Variants in SEC31A observed in about 807,000 individuals in gnomAD.
SEC31A encodes the protein protein transport protein Sec31A.
In SEC31A, 70 loss-of-function variants were observed where a neutral mutation model predicts 151.0. That is an observed-to-expected ratio of 0.46 (90% CI 0.38 to 0.57). SEC31A has a LOEUF of 0.57. Among genes scored for constraint, SEC31A ranks in the 20% least tolerant of loss-of-function variants. SEC31A has a pLI of 0.00. For synonymous variants in SEC31A, 475 were observed against 505.9 expected (o/e 0.94, Z 0.82); for missense variants, 1,330 against 1,471.2 (o/e 0.90, Z 1.57).
At chr4:82,861,477 T>C (rs982537430) in intron 14 of SEC31A, among the ~76,000 whole-genome samples, 154 bp downstream of exon 14, 25 of 152,216 alleles carry the variant, frequency 1.6e-4, no homozygotes, top group Non-Finnish European at 5.9e-5. Flanking sequence ...TCTGTCAGTA[T>C]AGGTAGATAG....
At chr4:82,881,194 G>T (rs998217896) in intron 2 of SEC31A, among the ~76,000 whole-genome samples, 2 of 152,042 alleles carry the variant, frequency 1.3e-5, no homozygotes, top group Admixed American at 6.5e-5. Context: ...GGCTGGGCAC[G>T]GTGGCTCATG....
In SEC31A at chr4:82,829,032, G is replaced by A; in HGVS notation, c.2995C>T (p.Pro999Ser). Residue 999 changes from proline to serine, a missense_variant, in exon 23 of 27, where the codon CCA (proline) becomes TCA (serine). Transcript: ENST00000395310. ...TGPQNGWNDP[P>S]ALNRVPKKKK... ...TTTTTGGGTACTCTGTTCAAAGCTG[G>A]AGGGTCATTCCAACCATTCTGAGGA... 1.9e-6 allele frequency: 3 copies of A among 1,613,792 alleles called. No homozygotes were observed. The highest frequency in any genetic ancestry group is 2.5e-6 in the Non-Finnish European group (3 of 1,179,716).
intron 17 of SEC31A, among the ~76,000 whole-genome samples, 194 bp from the exon 18 acceptor site, chr4:82,853,909 A>G (rs1341280263): frequency 6.6e-6 from 1 of 152,236 alleles, no homozygotes; most frequent in Non-Finnish European, 1.5e-5. Context: ...ATTGTATACA[A>G]TAAATGATTT....
At chr4:82,835,400 T>C (rs1258963863) in intron 22 of SEC31A, among the ~76,000 whole-genome samples, 1 of 152,252 alleles carries the variant, frequency 6.6e-6, no homozygotes, top group Non-Finnish European at 1.5e-5. Context: ...CTATCCTTTT[T>C]TAACTCTTTC....
chr4:82,857,053 G>A lies in SEC31A; in HGVS notation c.1780C>T (p.Arg594Cys), dbSNP rs140582072. The change falls in exon 16 of 27, where the codon CGC (arginine) becomes TGC (cysteine). Residue 594 changes from arginine (R) to cysteine (C), a missense_variant. Arg to Cys is a radical substitution (Grantham distance 180, BLOSUM62 -3). Transcript: ENST00000395310. ...SAVDLCLHDN[R>C]MADAIILAIA... ...GCCAATATAATGGCATCGGCCATGC[G>A]GTTATCATGTAAACAAAGGTCAACA... The A allele has an allele frequency of 1.2e-5, 20 of 1,613,898 alleles. No individual in the cohort carries two copies. Among genetic ancestry groups the A allele is most frequent in the African/African-American group, 4.0e-5 (3 of 74,910 alleles).
chr4:82,871,837 TAA>T, intron 7 of SEC31A, 105 bp downstream of exon 7: 12 of 1,204,410 alleles, frequency 1.0e-5, no homozygotes, highest in Admixed American at 2.4e-5. Context: ...AAACTCCATC[TAA>T]AAAAAAAAGT....
chr4:82,847,158 A>G (rs1013109886), intron 20 of SEC31A, among the ~76,000 whole-genome samples: 4 of 152,206 alleles, frequency 2.6e-5, no homozygotes, highest in African/African-American at 4.8e-5. Flanking sequence ...GAAGTCATAG[A>G]TTTTCAACTG....
chr4:82,900,462 C>T, exon 1 of SEC31A: 1 of 295,772 alleles, frequency 3.4e-6, no homozygotes, highest in South Asian at 5.0e-5. Context: ...ACAAGAAGGA[C>T]GATGGCGCCA....
intron 2 of SEC31A, among the ~76,000 whole-genome samples, chr4:82,881,551 C>G (rs1168306145): frequency 6.6e-6 from 1 of 151,978 alleles, no homozygotes; most frequent in Non-Finnish European, 1.5e-5. Flanking sequence ...ATGCTAACAT[C>G]AAAATTGCTC....
At chr4:82,876,311 T>G (rs1032035234) in intron 4 of SEC31A, among the ~76,000 whole-genome samples, 1 of 152,022 alleles carries the variant, frequency 6.6e-6, no homozygotes, top group Admixed American at 6.6e-5. Flanking sequence ...GGTTTCTCCA[T>G]GTTGGTCAGG....
chr4:82,852,262 T>C (rs556530487), intron 18 of SEC31A, among the ~76,000 whole-genome samples: 54 of 152,212 alleles, frequency 3.5e-4, no homozygotes, highest in Admixed American at 5.9e-4. Flanking sequence ...TTTTTCTTTA[T>C]AAACTACCCA....
At chr4:82,883,587 T>C (rs1313255569) in intron 1 of SEC31A, among the ~76,000 whole-genome samples, 1 of 152,174 alleles carries the variant, frequency 6.6e-6, no homozygotes, top group Non-Finnish European at 1.5e-5. Flanking sequence ...CCCAGCACTT[T>C]AGGAGCCGAA....
At position 82,874,254 on chromosome 4, in the gene SEC31A, C is replaced by T. The variant is rs112305942; in HGVS notation, c.639+357G>A. ...CAGAGGTTGCAGTGAGCCGAGATCACGCCACTGTACTCCAGCCTGGGCGAC... is the reference window on the plus strand; with the variant it reads ...CAGAGGTTGCAGTGAGCCGAGATCATGCCACTGTACTCCAGCCTGGGCGAC... On this transcript the variant is annotated intron_variant, in intron 6 of 26. Transcript: ENST00000395310. Among the ~76,000 whole-genome samples the T allele has an allele frequency of 2.7e-4, 41 of 150,986 alleles. 2 individuals are homozygous for T. The highest frequency in any genetic ancestry group is 9.7e-4 in the African/African-American group (40 of 41,050).
intron 3 of SEC31A, among the ~76,000 whole-genome samples, chr4:82,896,271 T>C (rs1720054298): frequency 6.6e-6 from 1 of 152,174 alleles, no homozygotes; most frequent in South Asian, 2.1e-4. Context: ...CAGGCTGGAG[T>C]GCAGTGGCCA....
chr4:82,864,430 T>G lies in SEC31A; in HGVS notation c.1366A>C (p.Asn456His). Reference protein sequence around the residue: ...QQAVQSQGFINYCQKKIDASQ... With the variant: ...QQAVQSQGFIHYCQKKIDASQ... ...GCATCAATTTTTTTTTGGCAATAAT[T>G]GATAAATCCTTGTGACTGCACAGCC... The change falls in exon 11 of 27, where the codon AAT (asparagine) becomes CAT (histidine). Residue 456 changes from asparagine to histidine, a missense_variant. Transcript: ENST00000395310. The G allele has an allele frequency of 1.2e-6, 2 of 1,614,182 alleles. No homozygotes were observed. Among genetic ancestry groups the G allele is most frequent in the Non-Finnish European group, 1.7e-6 (2 of 1,180,020 alleles).
At chr4:82,893,306 G>T (rs1719926696), upstream of SEC31A, 1 of 152,130 alleles carries the variant, frequency 6.6e-6, no homozygotes. Flanking sequence ...TGGCCTCCAG[G>T]GATCCTTCTG....
chr4:82,898,059 ATTCCTGAAAAGAG>A (rs2126006056), intron 3 of SEC31A: 1 of 152,356 alleles, frequency 6.6e-6, no homozygotes, highest in African/African-American at 2.4e-5. Context: ...TGAGAGTACA[ATTCCTGAAAAGAG>A]ATATTTTCTT....
intron 3 of SEC31A, 72 bp from the exon 4 acceptor site, chr4:82,879,000 C>G (rs1045380233): frequency 3.5e-6 from 4 of 1,136,616 alleles, no homozygotes. Context: ...TGAAATTATA[C>G]ACTTAATTTT....
At chr4:82,823,358 T>C (rs1348830750) in intron 25 of SEC31A, among the ~76,000 whole-genome samples, 1 of 152,240 alleles carries the variant, frequency 6.6e-6, no homozygotes, top group Non-Finnish European at 1.5e-5. Flanking sequence ...TGTATCTGGT[T>C]ATCAGCTTCG....
Sources: allele counts gnomAD v4.1 joint callset (sites outside exome capture counted in the v4.1 genomes callset), GRCh38; gene constraint gnomAD v4.1.1; transcripts MANE v1.5; gene names NCBI Gene and HGNC (gene_info 2026-07-23, HGNC 2026-07-21).